Variants in BTBD1 observed in about 807,000 individuals in gnomAD.
The protein encoded by BTBD1 is BTB domain containing 1, also known as BTB/POZ domain-containing protein 1.
In BTBD1, 34 loss-of-function variants were observed where a neutral mutation model predicts 48.0. That is an observed-to-expected ratio of 0.71 (90% CI 0.54 to 0.94). The LOEUF (loss-of-function observed/expected upper bound fraction) is 0.94. Ranked by LOEUF, BTBD1 falls within the 40% of genes least tolerant of loss-of-function variation. BTBD1 has a pLI of 0.00. For missense variants in BTBD1, 543 were observed against 625.6 expected (o/e 0.87, Z 1.41); for synonymous variants, 261 against 242.1 (o/e 1.08, Z -0.72).
chr15:83,022,807 C>T (rs2032326992), intron 5 of BTBD1, among the ~76,000 whole-genome samples: 1 of 151,876 alleles, frequency 6.6e-6, no homozygotes, highest in African/African-American at 2.4e-5. Flanking sequence ...ACTAAAAATA[C>T]AAAAATTAAC....
At chr15:83,042,876 A>C (rs1048163143) in intron 3 of BTBD1, among the ~76,000 whole-genome samples, 1 of 152,182 alleles carries the variant, frequency 6.6e-6, no homozygotes, top group Admixed American at 6.5e-5. Context: ...ATGGTGACCC[A>C]TGCCAGTAGT....
intron 1 of BTBD1, among the ~76,000 whole-genome samples, chr15:83,058,476 G>C (rs1227472909): frequency 6.6e-6 from 1 of 152,178 alleles, no homozygotes; most frequent in East Asian, 1.9e-4. Flanking sequence ...AGGCACGGTG[G>C]CTCATGCCTG....
In BTBD1 at chr15:83,067,111, G is replaced by A; in HGVS notation, c.41C>T (p.Ser14Leu). 1.4e-6 allele frequency: 2 copies of A among 1,470,410 alleles called. No individual in the cohort carries two copies. The highest frequency in any genetic ancestry group is 2.9e-5 in the Admixed American group (1 of 34,506). The allele number at this position is 1,470,410 out of a possible 1,614,324, so 91.1% of individuals were successfully genotyped here. ...LGPAAAGEQASGAEAEPGPAG... is the reference protein window; with the variant it reads ...LGPAAAGEQALGAEAEPGPAG... ...GGGGCCCGGCTCCGCCTCAGCCCCC[G>A]ACGCCTGCTCCCCAGCTGCGGCAGG... The change falls in exon 1 of 8, where the codon TCG (serine) becomes TTG (leucine). Residue 14 changes from serine (S) to leucine (L), a missense_variant. Ser to Leu is a moderately radical substitution (Grantham distance 145). Around this residue, in one of 3 missense-constraint regions of BTBD1, gnomAD observed 173 missense variants for 163.9 expected, o/e 1.06. Transcript: ENST00000261721.
intron 4 of BTBD1, among the ~76,000 whole-genome samples, chr15:83,036,511 T>C (rs1209148951): frequency 6.6e-6 from 1 of 152,222 alleles, no homozygotes; most frequent in Non-Finnish European, 1.5e-5. Context: ...AGGGACTGTT[T>C]GGCAGGATGG....
chr15:83,058,390 TGA>T (rs1297942454), intron 1 of BTBD1, among the ~76,000 whole-genome samples: 8 of 152,248 alleles, frequency 5.3e-5, no homozygotes, highest in Non-Finnish European at 1.2e-4. Flanking sequence ...TCATTTTAAT[TGA>T]GAGAGAGAGA....
intron 1 of BTBD1, 39 bp downstream of exon 1, chr15:83,066,712 G>A (rs1211659972): frequency 8.6e-6 from 10 of 1,165,718 alleles, no homozygotes; most frequent in Admixed American, 9.3e-5. Flanking sequence ...GGCCCGGCCC[G>A]GCCCGGCCCG....
At chr15:83,042,346 T>A (rs1025409062) in intron 3 of BTBD1, among the ~76,000 whole-genome samples, 3 of 62,778 alleles carry the variant, frequency 4.8e-5, no homozygotes, top group African/African-American at 2.3e-4. Context: ...TATTAGGCAA[T>A]TTTATATATA....
Position 83,020,741 on chromosome 15 carries a change from G to A in BTBD1, c.1077C>T (p.Ile359=). 3 of 1,603,146 alleles carry A rather than the reference G, an allele frequency of 1.9e-6. No individual in the cohort carries two copies. Among genetic ancestry groups the A allele is most frequent in the Non-Finnish European group, 2.6e-6 (3 of 1,170,838 alleles). The part of the protein sequence containing the change: ...DRIRFTVNRR[I]SIVGFGLYGS... ...CATACAAGCCAAATCCAACTATAGA[G>A]ATCCTTCTATTAACTGTGAATCTGA... Residue 359 remains isoleucine (I), a synonymous_variant, in exon 6 of 8, where the codon ATC becomes ATT. Coordinates refer to ENST00000261721, the MANE Select transcript of BTBD1 (RefSeq NM_025238.4).
intron 1 of BTBD1, among the ~76,000 whole-genome samples, chr15:83,057,166 T>C (rs1268966410): frequency 2.0e-5 from 3 of 152,194 alleles, no homozygotes; most frequent in African/African-American, 7.2e-5. Flanking sequence ...TGCTATTCCC[T>C]GCATTTTAAT....
At chr15:83,044,392 G>A (rs2056325216) in intron 3 of BTBD1, 2 of 1,552,140 alleles carry the variant, frequency 1.3e-6, no homozygotes, top group African/African-American at 1.4e-5. Context: ...GCAGCTGGGA[G>A]GAAGATGGCG....
intron 3 of BTBD1, among the ~76,000 whole-genome samples, chr15:83,046,521 G>A (rs2032881539): frequency 6.6e-6 from 1 of 152,118 alleles, no homozygotes; most frequent in African/African-American, 2.4e-5. Context: ...CCCTGTACAA[G>A]GCACATACTT....
chr15:83,050,451 TG>T (rs2032961116), intron 2 of BTBD1, among the ~76,000 whole-genome samples: 1 of 151,920 alleles, frequency 6.6e-6, no homozygotes, highest in African/African-American at 2.4e-5. Context: ...TGTGTGTGTG[TG>T]TGTGTGTGTG....
chr15:83,033,588 T>C (rs1156640184), intron 4 of BTBD1, among the ~76,000 whole-genome samples: 1 of 152,108 alleles, frequency 6.6e-6, no homozygotes, highest in African/African-American at 2.4e-5. Context: ...TTAATTTTAT[T>C]TATTTATTTA....
At chr15:83,030,421 G>T in intron 4 of BTBD1, 93 bp from the exon 5 acceptor site, 1 of 1,068,052 alleles carries the variant, frequency 9.4e-7, no homozygotes, top group Non-Finnish European at 1.4e-6. Flanking sequence ...TCTAGAGGAC[G>T]TAACATAAAA....
intron 3 of BTBD1, among the ~76,000 whole-genome samples, chr15:83,049,133 G>A (rs2032932725): frequency 6.6e-6 from 1 of 152,126 alleles, no homozygotes; most frequent in Non-Finnish European, 1.5e-5. Context: ...CAGAGTCTCA[G>A]GTGGCCAGAG....
intron 2 of BTBD1, 80 bp downstream of exon 2, chr15:83,056,309 C>T: frequency 1.2e-6 from 1 of 867,264 alleles, no homozygotes; most frequent in South Asian, 2.0e-5. Flanking sequence ...CTAGAATTCT[C>T]CAGGAAATAT....
At chr15:83,064,683 TA>T (rs1466961403) in intron 1 of BTBD1, among the ~76,000 whole-genome samples, 1 of 150,164 alleles carries the variant, frequency 6.7e-6, no homozygotes, top group African/African-American at 2.4e-5. Context: ...CTCCAAATAT[TA>T]CGGTATATAA....
At chr15:83,044,714 G>A (rs765430084) in intron 3 of BTBD1, 15 of 1,462,116 alleles carry the variant, frequency 1.0e-5, no homozygotes, top group Non-Finnish European at 1.3e-5. Flanking sequence ...GGAAATTAGT[G>A]GTGTACTGTG....
chr15:83,019,227 T>C (rs1304032220), intron 6 of BTBD1, among the ~76,000 whole-genome samples: 4 of 151,956 alleles, frequency 2.6e-5, no homozygotes, highest in African/African-American at 9.7e-5. Context: ...ACCTGGCTAA[T>C]TTTTTTGTAT....
Sources: gnomAD v4.1 joint callset for allele counts (sites outside exome capture counted in the v4.1 genomes callset) on GRCh38, gnomAD v4.1.1 for gene constraint, gnomAD v4.1.1 regional missense constraint, MANE v1.5 for transcripts, NCBI Gene and HGNC (gene_info 2026-07-23, HGNC 2026-07-21) for gene names.